Variants in EFCAB6 observed in about 807,000 individuals in gnomAD.
EFCAB6 encodes EF-hand calcium-binding domain-containing protein 6.
In EFCAB6, 156 loss-of-function variants were observed where a neutral mutation model predicts 169.8. The observed-to-expected ratio is 0.92, with a 90% CI of 0.81 to 1.05. The LOEUF (loss-of-function observed/expected upper bound fraction) is 1.05. Ranked by LOEUF, EFCAB6 falls within the 50% of genes least tolerant of loss-of-function variation. EFCAB6 has a pLI of 0.00. For synonymous variants in EFCAB6, 698 were observed against 676.4 expected (o/e 1.03, Z -0.50); for missense variants, 1,800 against 1,829.1 (o/e 0.98, Z 0.29).
At chr22:43,567,557 G>A (rs1323552874) in intron 26 of EFCAB6, among the ~76,000 whole-genome samples, 4 of 152,130 alleles carry the variant, frequency 2.6e-5, no homozygotes, top group Admixed American at 2.6e-4. Flanking sequence ...TCCGAACAAT[G>A]AGCCTAGGAG....
At chr22:43,696,265 C>A (rs1044980753) in intron 10 of EFCAB6, among the ~76,000 whole-genome samples, 24 of 136,472 alleles carry the variant, frequency 1.8e-4, no homozygotes, top group African/African-American at 5.5e-4. Flanking sequence ...TACCTCTACA[C>A]ACCTCTAGAA....
chr22:43,673,522 T>C (rs2057586396), intron 13 of EFCAB6, among the ~76,000 whole-genome samples: 1 of 152,160 alleles, frequency 6.6e-6, no homozygotes, highest in Non-Finnish European at 1.5e-5. Flanking sequence ...AAGCCTGTAA[T>C]CCCAACACTT....
chr22:43,706,007 T>C (rs1040695794), intron 10 of EFCAB6, among the ~76,000 whole-genome samples: 1 of 151,652 alleles, frequency 6.6e-6, no homozygotes, highest in African/African-American at 2.4e-5. Flanking sequence ...TAAAAGGAAA[T>C]GAAAGAGGAG....
Position 43,629,640 on chromosome 22 carries a change from G to A in EFCAB6, c.2232+2465C>T, listed in dbSNP as rs755422517. Among the ~76,000 whole-genome samples the A allele has an allele frequency of 5.9e-5, 9 of 152,184 alleles. 1 individual carries two copies. Among genetic ancestry groups the A allele is most frequent in the East Asian group, 3.8e-4 (2 of 5,196 alleles). Reference sequence around the variant, plus strand: ...CTGCGGGCTGTGTGCTATGAGGGACGTGAGGAGAGAGGGGAATGTGCAGTG... The same window carrying A: ...CTGCGGGCTGTGTGCTATGAGGGACATGAGGAGAGAGGGGAATGTGCAGTG... On this transcript the variant is annotated intron_variant, in intron 19 of 31. Coordinates refer to ENST00000262726, the MANE Select transcript of EFCAB6 (RefSeq NM_022785.4).
chr22:43,761,799 C>T (rs2061171196), intron 5 of EFCAB6, among the ~76,000 whole-genome samples: 1 of 151,482 alleles, frequency 6.6e-6, no homozygotes, highest in Non-Finnish European at 1.5e-5. Context: ...TTGATAGTTT[C>T]ATATTTCAAG....
chr22:43,797,780 T>C (rs1305992775), intron 2 of EFCAB6, among the ~76,000 whole-genome samples: 1 of 152,190 alleles, frequency 6.6e-6, no homozygotes, highest in Non-Finnish European at 1.5e-5. Context: ...GGTGTCTTTG[T>C]GGCTGCAGCA....
intron 3 of EFCAB6, among the ~76,000 whole-genome samples, chr22:43,775,008 T>A (rs743941): frequency 0.024 from 3,668 of 152,098 alleles, 152 homozygotes; most frequent in African/African-American, 0.083. Context: ...GGAGACAGGC[T>A]GGGTGACTAC....
chr22:43,650,383 C>T (rs890509970), intron 17 of EFCAB6, among the ~76,000 whole-genome samples: 9 of 152,174 alleles, frequency 5.9e-5, no homozygotes, highest in African/African-American at 1.7e-4. Flanking sequence ...TATTGCCTGC[C>T]GCCATCCATG....
chr22:43,613,843 T>C (rs1340960078), intron 21 of EFCAB6, among the ~76,000 whole-genome samples: 2 of 152,122 alleles, frequency 1.3e-5, no homozygotes, highest in African/African-American at 2.4e-5. Context: ...TAATAAAATA[T>C]TAGCCAGGAA....
At chr22:43,581,991 C>T (rs1192852295) in intron 24 of EFCAB6, among the ~76,000 whole-genome samples, 8 of 152,128 alleles carry the variant, frequency 5.3e-5, no homozygotes, top group African/African-American at 1.9e-4. Context: ...TTACAAGTAA[C>T]AGAGATGTTT....
intron 18 of EFCAB6, 23 bp downstream of exon 18, chr22:43,635,079 G>T: frequency 6.3e-7 from 1 of 1,592,652 alleles, no homozygotes. Flanking sequence ...ATCCCACAGG[G>T]TGTGGACTTG....
chr22:43,767,825 T>TC (rs71188412), intron 4 of EFCAB6, among the ~76,000 whole-genome samples: 133,572 of 152,222 alleles, frequency 0.88, 58,652 homozygotes, highest in East Asian at 0.99. Flanking sequence ...CTTGCGATGA[T>TC]AGTCTCCAAA....
intron 27 of EFCAB6, among the ~76,000 whole-genome samples, chr22:43,551,352 C>G (rs1368623662): frequency 2.0e-5 from 3 of 152,222 alleles, no homozygotes; most frequent in Non-Finnish European, 4.4e-5. Context: ...AATCATCCCC[C>G]AATGTATTAC....
At chr22:43,630,354 C>T (rs980556161) in intron 19 of EFCAB6, among the ~76,000 whole-genome samples, 16 of 152,144 alleles carry the variant, frequency 1.1e-4, no homozygotes, top group African/African-American at 2.7e-4. Context: ...GAGTGGGTGT[C>T]GGTGATGGTC....
At chr22:43,784,366 C>A (rs1215951986) in intron 2 of EFCAB6, among the ~76,000 whole-genome samples, 3 of 150,536 alleles carry the variant, frequency 2.0e-5, no homozygotes, top group Non-Finnish European at 4.4e-5. Flanking sequence ...TTCAGAAAGG[C>A]AAGGCAAGGT....
intron 10 of EFCAB6, among the ~76,000 whole-genome samples, chr22:43,708,968 A>G (rs1441450187): frequency 6.6e-6 from 1 of 152,156 alleles, no homozygotes; most frequent in South Asian, 2.1e-4. Context: ...AAGTTATAAG[A>G]ACACCTCAGC....
chr22:43,586,434 G>T (rs1452495912), intron 24 of EFCAB6, among the ~76,000 whole-genome samples: 1 of 132,266 alleles, frequency 7.6e-6, no homozygotes, highest in African/African-American at 2.9e-5. Flanking sequence ...TTGCAGCCTT[G>T]AATTCCTGGG....
At chr22:43,714,850 C>T (rs989569423) in intron 9 of EFCAB6, among the ~76,000 whole-genome samples, 3 of 152,164 alleles carry the variant, frequency 2.0e-5, no homozygotes, top group African/African-American at 7.2e-5. Flanking sequence ...AAATAAAGAA[C>T]TCTGAGAGGG....
At chr22:43,531,402 C>A (rs1239658273) in intron 30 of EFCAB6, among the ~76,000 whole-genome samples, 1 of 152,070 alleles carries the variant, frequency 6.6e-6, no homozygotes, top group Non-Finnish European at 1.5e-5. Flanking sequence ...AAAGAGATTT[C>A]AGTCTGTGTT....
Sources: allele counts gnomAD v4.1 joint callset (sites outside exome capture counted in the v4.1 genomes callset), GRCh38; gene constraint gnomAD v4.1.1; transcripts MANE v1.5; gene names NCBI Gene and HGNC (gene_info 2026-07-23, HGNC 2026-07-21).